Variants in RNF213 observed in about 807,000 individuals in gnomAD.
The protein encoded by RNF213 is ring finger protein 213.
Under a neutral mutation model 514.4 loss-of-function variants are expected in RNF213, and 341 were observed. The ratio of observed to expected loss-of-function variants is 0.66; its 90% CI spans 0.61 to 0.73. The LOEUF (loss-of-function observed/expected upper bound fraction) is 0.73. Ranked by LOEUF, RNF213 falls within the 30% of genes least tolerant of loss-of-function variation. RNF213 has a pLI of 0.00. For missense variants in RNF213, 5,767 were observed against 6,615.6 expected (o/e 0.87, Z 4.45); for synonymous variants, 2,655 against 2,658.2 (o/e 1.00, Z 0.04).
rs758384014 is a variant in RNF213 at position 80,307,177 on chromosome 17, G to T, written c.2477G>T (p.Arg826Leu). 6.2e-7 allele frequency: 1 copy of T among 1,613,590 alleles called. No homozygotes were observed. Among genetic ancestry groups the T allele is most frequent in the Non-Finnish European group, 8.5e-7 (1 of 1,179,866 alleles). The change falls in exon 13 of 68, where the codon CGA becomes CTA. Residue 826 changes from arginine to leucine, a missense_variant. Physicochemically the swap from Arg to Leu is moderately radical, Grantham distance 102. Transcript: ENST00000582970. The part of the protein sequence containing the change: ...NVQNILEMLL[R>L]LLDTYRDKIP... ...CAGAACATTTTAGAAATGCTGTTGC[G>T]ACTCCTGGACACTTACCGGGACAAG...
Position 80,381,722 on chromosome 17 carries a change from G to A in RNF213, c.13973G>A (p.Ser4658Asn). 1 of 1,613,240 alleles carries A rather than the reference G, an allele frequency of 6.2e-7. No individual in the cohort carries two copies. The highest frequency in any genetic ancestry group is 8.5e-7 in the Non-Finnish European group (1 of 1,179,902). ...CTCCAAGAGCAGCACCAGCTCTCTA[G>A]CAGAAGTGAGGAAAGGGGCAAGGGC... ...RLLQEQHQLSSRRLLNFDTEL... is the reference protein window; with the variant it reads ...RLLQEQHQLSNRRLLNFDTEL... The change falls in exon 57 of 68, where the codon AGC (serine) becomes AAC (asparagine). Residue 4658 changes from serine (S) to asparagine (N), a missense_variant. By Grantham distance (46) the Ser-to-Asn change is conservative. Around this residue, in one of 13 missense-constraint regions of RNF213, gnomAD observed 1,245 missense variants for 1,339.0 expected, o/e 0.93. Coordinates refer to ENST00000582970, the MANE Select transcript of RNF213 (RefSeq NM_001256071.3).
At position 80,343,928 on chromosome 17, in the gene RNF213, A is replaced by G. The variant is rs1160403446; in HGVS notation, c.6255A>G (p.Lys2085=). Residue 2085 remains lysine (K), a synonymous_variant, in exon 28 of 68, where the codon AAA becomes AAG. Coordinates refer to ENST00000582970, the MANE Select transcript of RNF213 (RefSeq NM_001256071.3). This position sits in a 1 kb window ranked among gnomAD's most constrained non-coding sequence, Gnocchi z 4.3. ...ILQYLMDING[K]MWLRNPCHLY... ...AATACTTAATGGATATAAATGGGAA[A>G]ATGTGGCTTCGGAACCCCTGCCATT... The G allele has an allele frequency of 1.9e-6, 3 of 1,614,082 alleles. No individual in the cohort carries two copies. In the African/African-American group the frequency reaches 4.0e-5, roughly 22 times the overall value.
chr17:80,388,509 C>A, intron 63 of RNF213, 103 bp from the exon 64 acceptor site: 1 of 805,726 alleles, frequency 1.2e-6, no homozygotes. Flanking sequence ...CAGGGCAGCG[C>A]GGCACTACGC....
chr17:80,367,261 C>A (rs1017752758), intron 42 of RNF213, among the ~76,000 whole-genome samples: 5 of 152,152 alleles, frequency 3.3e-5, no homozygotes, highest in Admixed American at 6.5e-5. Flanking sequence ...ATATAGTTAT[C>A]TCTGGGGAGG....
At chr17:80,370,013 G>A (rs1447749291) in intron 46 of RNF213, 146 bp downstream of exon 46, 1 of 711,180 alleles carries the variant, frequency 1.4e-6, no homozygotes, top group East Asian at 2.6e-5. Context: ...CTGGTTACTT[G>A]TACTGGTTGT....
chr17:80,317,081 T>C lies in RNF213; in HGVS notation c.2812-107T>C. On this transcript the variant is annotated intron_variant, in intron 15 of 67. Coordinates refer to ENST00000582970, the MANE Select transcript of RNF213 (RefSeq NM_001256071.3). The surrounding 1 kb of genome is among the most constrained non-coding windows in gnomAD (Gnocchi z 4.1). ...GGGGAGAGCCCTGGTGTTCGCGGAG[T>C]CCCGCGCTCTCTGTATTGCCGTAAT... The C allele has an allele frequency of 8.3e-7, 1 of 1,202,756 alleles. No homozygotes were observed. The highest frequency in any genetic ancestry group is 1.2e-6 in the Non-Finnish European group (1 of 827,760). 74.5% of individuals were successfully genotyped at this position (1,202,756 alleles called of 1,614,324 possible).
At chr17:80,328,693 C>T (rs1358465025) in intron 20 of RNF213, among the ~76,000 whole-genome samples, 1 of 152,052 alleles carries the variant, frequency 6.6e-6, no homozygotes, top group Non-Finnish European at 1.5e-5. Flanking sequence ...TTAAGTGTCT[C>T]CTGGATTTTT....
intron 40 of RNF213, 33 bp from the exon 41 acceptor site, chr17:80,363,574 ACC>A (rs759971806): frequency 6.2e-7 from 1 of 1,609,498 alleles, no homozygotes; most frequent in Non-Finnish European, 8.5e-7. Flanking sequence ...TGGGAGGGGC[ACC>A]GCTCAGCCAC....
chr17:80,273,585 G>A (rs1023732821), intron 3 of RNF213, among the ~76,000 whole-genome samples, 181 bp downstream of exon 3: 1 of 150,342 alleles, frequency 6.7e-6, no homozygotes, highest in African/African-American at 2.5e-5. Flanking sequence ...GAGTCTGTGG[G>A]TTCCAGACCC....
Position 80,365,856 on chromosome 17 carries a change from C to T in RNF213, c.11871+1303C>T, listed in dbSNP as rs141959953. ...CAGCGTGGGTCATAAGGGCCAGGTGCCCATAAACCCAAAGGTAAAGGAGCT... is the reference window on the plus strand; with the variant it reads ...CAGCGTGGGTCATAAGGGCCAGGTGTCCATAAACCCAAAGGTAAAGGAGCT... On this transcript the variant is annotated intron_variant, in intron 42 of 67. Coordinates refer to ENST00000582970, the MANE Select transcript of RNF213 (RefSeq NM_001256071.3). Among the ~76,000 whole-genome samples, 1,094 of 152,322 alleles carry T rather than the reference C, an allele frequency of 7.2e-3. 12 individuals carry two copies. The highest frequency in any genetic ancestry group is 0.025 in the African/African-American group (1,033 of 41,564).
rs751353378 is a variant in RNF213 at position 80,364,449 on chromosome 17, A to G, written c.11767A>G (p.Ile3923Val). 9.9e-6 allele frequency: 16 copies of G among 1,613,822 alleles called. No homozygotes were observed. The South Asian group carries it at 1.3e-4, about 13-fold the overall frequency. The change falls in exon 42 of 68, where the codon ATT becomes GTT. Residue 3923 changes from isoleucine to valine, a missense_variant. This residue lies in a region of RNF213 where 355 missense variants were observed against 358.0 expected (regional missense o/e 0.99). Transcript: ENST00000582970. Reference protein sequence around the residue: ...IREVRAQWSRIFSTALFVEHV... With the variant: ...IREVRAQWSRVFSTALFVEHV... ...TTTTGACAGAGCCCAGTGGAGTCGGATTTTCTCCACCGCACTCTTCGTGGA... is the reference window on the plus strand; with the variant it reads ...TTTTGACAGAGCCCAGTGGAGTCGGGTTTTCTCCACCGCACTCTTCGTGGA...
intron 15 of RNF213, among the ~76,000 whole-genome samples, chr17:80,313,491 T>G (rs2045644393): frequency 1.9e-5 from 2 of 105,388 alleles, no homozygotes; most frequent in South Asian, 6.0e-4. Flanking sequence ...ATGGTGATGG[T>G]TGGTGGTGGT....
At chr17:80,372,802 G>A (rs1568150650) in intron 48 of RNF213, 68 bp downstream of exon 48, 5 of 1,516,192 alleles carry the variant, frequency 3.3e-6, no homozygotes, top group Non-Finnish European at 4.5e-6. Flanking sequence ...CAGGAAGTAT[G>A]GGAAACTAGT....
chr17:80,377,043 C>A lies in RNF213; in HGVS notation c.13510+80C>A. ...AGATGCTATGAAGCATTGGGTTCGA[C>A]TTGGGGTCCACGTGGTTTGTGCCTC... On this transcript the variant is annotated intron_variant, in intron 53 of 67. Transcript: ENST00000582970. This position sits in a 1 kb window ranked among gnomAD's most constrained non-coding sequence, Gnocchi z 4.1. 1 of 1,151,050 alleles carries A rather than the reference C, an allele frequency of 8.7e-7. No homozygotes were observed. Among genetic ancestry groups the A allele is most frequent in the Non-Finnish European group, 1.3e-6 (1 of 776,112 alleles). 71.3% of individuals were successfully genotyped at this position (1,151,050 alleles called of 1,614,324 possible). A position where few individuals can be genotyped will look rare whatever the true frequency, so the allele number is the denominator to read the frequency against.
chr17:80,295,931 C>T (rs1225548243), intron 10 of RNF213, 118 bp downstream of exon 10: 16 of 1,112,024 alleles, frequency 1.4e-5, no homozygotes, highest in African/African-American at 1.4e-4. Flanking sequence ...TAAAACCACC[C>T]GTGATTTTAC....
chr17:80,353,961 G>A lies in RNF213; in HGVS notation c.10579-58G>A. 2 of 1,610,428 alleles carry A rather than the reference G, an allele frequency of 1.2e-6. No individual in the cohort carries two copies. Among genetic ancestry groups the A allele is most frequent in the Non-Finnish European group, 1.7e-6 (2 of 1,178,154 alleles). On this transcript the variant is annotated intron_variant, in intron 34 of 67. Transcript: ENST00000582970. The surrounding 1 kb of genome is among the most constrained non-coding windows in gnomAD (Gnocchi z 5.0). ...GACCCTCATCGCATACGGGCGGTTTGGCTTTTGCCCACTGTGTCAGTGGCA... is the reference window on the plus strand; with the variant it reads ...GACCCTCATCGCATACGGGCGGTTTAGCTTTTGCCCACTGTGTCAGTGGCA...
chr17:80,353,312 A>G lies in RNF213; in HGVS notation c.10424-200A>G. ...TGGAAGTGAGCACCTAGAACACGCC[A>G]GAGCCCAGGCTGGAAGGAAGGGGCT... On this transcript the variant is annotated intron_variant, in intron 33 of 67. Transcript: ENST00000582970. The surrounding 1 kb of genome is among the most constrained non-coding windows in gnomAD (Gnocchi z 5.0). The G allele has an allele frequency of 1.3e-6, 1 of 790,214 alleles. No homozygotes were observed. Among genetic ancestry groups the G allele is most frequent in the Non-Finnish European group, 2.1e-6 (1 of 481,816 alleles). 49.0% of individuals were successfully genotyped at this position (790,214 alleles called of 1,614,324 possible). A position where few individuals can be genotyped will look rare whatever the true frequency, so the allele number is the denominator to read the frequency against.
intron 3 of RNF213, among the ~76,000 whole-genome samples, chr17:80,277,324 C>T (rs796264492): frequency 2.0e-5 from 3 of 151,562 alleles, no homozygotes; most frequent in Non-Finnish European, 2.9e-5. Context: ...GGGCCAGGCC[C>T]GGTGGCTTCT....
At position 80,373,052 on chromosome 17, in the gene RNF213, G is replaced by T. The variant is rs147258447; in HGVS notation, c.12829G>T (p.Val4277Leu). Residue 4277 changes from valine (V) to leucine (L), a missense_variant, in exon 49 of 68, where the codon GTG (valine) becomes TTG (leucine). This residue lies in a region of RNF213 where 1,245 missense variants were observed against 1,339.0 expected (regional missense o/e 0.93). Transcript: ENST00000582970. ...CIRVENDWHRVYLVRKLSSQR... is the reference protein window; with the variant it reads ...CIRVENDWHRLYLVRKLSSQR... ...CCGGGTGGAGAACGACTGGCACCGGGTGTACCTGGTGCGGAAGCTCAGCAG... is the reference window on the plus strand; with the variant it reads ...CCGGGTGGAGAACGACTGGCACCGGTTGTACCTGGTGCGGAAGCTCAGCAG... 1.8e-4 allele frequency: 296 copies of T among 1,614,066 alleles called. No homozygotes were observed. Among genetic ancestry groups the T allele is most frequent in the Non-Finnish European group, 2.4e-4 (283 of 1,180,018 alleles).
Sources: gnomAD v4.1 joint callset for allele counts (sites outside exome capture counted in the v4.1 genomes callset) on GRCh38, gnomAD v4.1.1 for gene constraint, gnomAD v4.1.1 regional missense constraint, Gnocchi (gnomAD v3.1) non-coding constraint, MANE v1.5 for transcripts, NCBI Gene and HGNC (gene_info 2026-07-23, HGNC 2026-07-21) for gene names.